SMYD3: variants seen among roughly 807,000 people sequenced by gnomAD.
SMYD3 encodes SET and MYND domain containing 3, also known as histone-lysine N-methyltransferase SMYD3.
Under a neutral mutation model 57.7 loss-of-function variants are expected in SMYD3, and 36 were observed. The observed-to-expected ratio is 0.62, with a 90% confidence interval of 0.48 to 0.82. The LOEUF (loss-of-function observed/expected upper bound fraction) is 0.82, where lower values mean the gene tolerates loss of function less well. SMYD3 is among the 40% of genes least tolerant of loss of function. The pLI is 0.00. For synonymous variants in SMYD3, 211 were observed against 195.0 expected (o/e 1.08, Z -0.68); for missense variants, 515 against 538.8 (o/e 0.96, Z 0.44).
At chr1:246,070,132 G>C (rs1220207849) in intron 5 of SMYD3, among the ~76,000 whole-genome samples, 1 of 152,130 alleles carries the variant, frequency 6.6e-6, no homozygotes, top group Non-Finnish European at 1.5e-5. Context: ...ACTACCAAGA[G>C]ACACACCGAA....
At chr1:246,291,036 T>TAA (rs35794397) in intron 5 of SMYD3, among the ~76,000 whole-genome samples, 2 of 148,236 alleles carry the variant, frequency 1.3e-5, no homozygotes, top group Non-Finnish European at 3.0e-5. Context: ...TTAAGCGTGA[T>TAA]AAAAAAAAAA....
intron 8 of SMYD3, among the ~76,000 whole-genome samples, chr1:245,867,310 T>G (rs2051910483): frequency 6.6e-6 from 1 of 152,244 alleles, no homozygotes; most frequent in African/African-American, 2.4e-5. Context: ...TTTGGCCTTC[T>G]GAGACTTGGG....
At chr1:245,948,495 C>T (rs1239843410) in intron 5 of SMYD3, among the ~76,000 whole-genome samples, 1 of 152,162 alleles carries the variant, frequency 6.6e-6, no homozygotes. Flanking sequence ...GGTCCTTAGA[C>T]TAACAGAGTG....
rs559838733 is a variant in SMYD3, at chr1:246,058,999, C to T, written c.532-129062G>A. Among the ~76,000 whole-genome samples the T allele has an allele frequency of 4.6e-5, 7 of 152,160 alleles. No homozygotes were observed. The East Asian group carries it at 7.7e-4, about 17-fold the overall frequency. On this transcript the variant is annotated intron_variant, in intron 5 of 11. Coordinates refer to ENST00000490107, the MANE Select transcript of SMYD3 (RefSeq NM_001167740.2). ...ACACCATTCTCCTGCCTCAGCCTCC[C>T]GAGTAGCTGGAACTGCAGGCGTCCG...
chr1:246,475,126 G>T (rs901784874), intron 1 of SMYD3, among the ~76,000 whole-genome samples: 2 of 151,932 alleles, frequency 1.3e-5, no homozygotes, highest in Admixed American at 6.6e-5. Context: ...TGACCACCCT[G>T]ACCAACATGG....
At chr1:246,289,261 TAGA>T (rs988492658) in intron 5 of SMYD3, among the ~76,000 whole-genome samples, 10 of 152,242 alleles carry the variant, frequency 6.6e-5, no homozygotes, top group Non-Finnish European at 7.3e-5. Flanking sequence ...TTTAATTCCC[TAGA>T]AGAATGCCAA....
chr1:245,857,657 C>T (rs1225000629), intron 10 of SMYD3, among the ~76,000 whole-genome samples: 1 of 152,176 alleles, frequency 6.6e-6, no homozygotes, highest in South Asian at 2.1e-4. Context: ...GGTACCTTCC[C>T]GCCAGCAACC....
intron 5 of SMYD3, among the ~76,000 whole-genome samples, chr1:246,044,366 A>T (rs527600056): frequency 3.3e-5 from 5 of 152,228 alleles, no homozygotes; most frequent in Non-Finnish European, 7.3e-5. Context: ...TAAACATGAG[A>T]ACTCCATGTC....
At chr1:245,998,412 T>C (rs1205635089) in intron 5 of SMYD3, among the ~76,000 whole-genome samples, 10 of 152,196 alleles carry the variant, frequency 6.6e-5, no homozygotes, top group Admixed American at 6.5e-4. Context: ...ACCGTTTGAT[T>C]CTTCAATTTT....
chr1:245,803,913 A>ATT lies in SMYD3; in HGVS notation c.1077-39766_1077-39765dup, dbSNP rs34038938. 1.4e-3 allele frequency among the ~76,000 whole-genome samples: 106 copies of ATT among 73,358 alleles called. 5 individuals are homozygous for ATT. The highest frequency in any genetic ancestry group is 0.011 in the Middle Eastern group (1 of 88). The allele number at this position is 73,358 out of a possible 152,430, so 48.1% of individuals were successfully genotyped here. On this transcript the variant is annotated intron_variant, in intron 10 of 11. Coordinates refer to ENST00000490107, the MANE Select transcript of SMYD3 (RefSeq NM_001167740.2). ...GGACTTTCCAGTTACGTAAGTCAGT[A>ATT]TTTTTTTTTTTTTTTTTTGAGACAG... is the stretch of plus-strand genomic sequence containing the variant.
intron 1 of SMYD3, among the ~76,000 whole-genome samples, chr1:246,427,534 T>A (rs1393469756): frequency 1.0e-3 from 84 of 81,252 alleles, no homozygotes; most frequent in African/African-American, 2.8e-3. Context: ...AAAAAAAAAA[T>A]AAAAAAAAAT....
intron 1 of SMYD3, among the ~76,000 whole-genome samples, chr1:246,501,027 A>G (rs920825092): frequency 1.3e-5 from 2 of 152,234 alleles, no homozygotes; most frequent in Admixed American, 1.3e-4. Context: ...CCCATTAGCC[A>G]CTGCCCAGGA....
intron 5 of SMYD3, among the ~76,000 whole-genome samples, chr1:246,112,439 T>A (rs1158046637): frequency 1.3e-5 from 2 of 152,238 alleles, no homozygotes. Flanking sequence ...TTTGGATTAC[T>A]TTATTTGCTT....
chr1:246,500,015 T>C (rs1300341105), intron 1 of SMYD3, among the ~76,000 whole-genome samples: 2 of 149,324 alleles, frequency 1.3e-5, no homozygotes, highest in Non-Finnish European at 3.0e-5. Context: ...CTGGGGACTG[T>C]ATCGCTTCTG....
chr1:246,425,460 C>T (rs2067204692), intron 1 of SMYD3, among the ~76,000 whole-genome samples: 1 of 152,200 alleles, frequency 6.6e-6, no homozygotes, highest in Non-Finnish European at 1.5e-5. Flanking sequence ...CATTCTCTTA[C>T]ATGCCTAAGG....
intron 5 of SMYD3, among the ~76,000 whole-genome samples, chr1:246,125,785 A>G (rs1423274289): frequency 6.6e-6 from 1 of 152,206 alleles, no homozygotes; most frequent in African/African-American, 2.4e-5. Context: ...AAATATGGGC[A>G]ATATGGCTAT....
At chr1:246,354,441 G>T (rs1321235913) in intron 2 of SMYD3, among the ~76,000 whole-genome samples, 2 of 151,988 alleles carry the variant, frequency 1.3e-5, no homozygotes, top group African/African-American at 4.8e-5. Flanking sequence ...TAATAATTTG[G>T]GGAAGTGTGC....
intron 5 of SMYD3, among the ~76,000 whole-genome samples, chr1:246,184,397 A>C (rs1313569266): frequency 6.6e-6 from 1 of 152,228 alleles, no homozygotes; most frequent in Non-Finnish European, 1.5e-5. Context: ...AGAAGCACCC[A>C]GATTGGCATC....
chr1:246,065,902 A>G (rs1440957892), intron 5 of SMYD3, among the ~76,000 whole-genome samples: 2 of 152,216 alleles, frequency 1.3e-5, no homozygotes, highest in Non-Finnish European at 2.9e-5. Flanking sequence ...TATATCTGTT[A>G]CTAACATGAG....
Sources: allele counts gnomAD v4.1 joint callset (sites outside exome capture counted in the v4.1 genomes callset), GRCh38; gene constraint gnomAD v4.1.1; transcripts MANE v1.5; gene names NCBI Gene and HGNC (gene_info 2026-07-23, HGNC 2026-07-21).